Variants in RBFOX1 observed in about 807,000 individuals in gnomAD.
The protein encoded by RBFOX1 is RNA binding fox-1 homolog 1, also known as RNA binding protein fox-1 homolog 1.
A neutral mutation model predicts 57.7 loss-of-function variants in RBFOX1; 8 were observed. The observed-to-expected ratio is 0.14, with a 90% confidence interval of 0.08 to 0.25. The LOEUF (loss-of-function observed/expected upper bound fraction) is 0.25, where lower values mean the gene tolerates loss of function less well. Ranked by LOEUF, RBFOX1 falls within the 10% of genes least tolerant of loss-of-function variation. The pLI is 1.00. For missense variants in RBFOX1, 611 were observed against 548.5 expected (o/e 1.11, Z -1.14); for synonymous variants, 326 against 222.4 (o/e 1.47, Z -4.15).
intron 3 of RBFOX1, among the ~76,000 whole-genome samples, chr16:6,728,366 A>G: frequency 4.2e-5 from 1 of 23,940 alleles, no homozygotes; most frequent in African/African-American, 4.5e-5. Context: ...TTAAATCCCA[A>G]TGTCTTGTCG....
At chr16:7,695,000 TAAGC>T (rs886156146) in intron 14 of RBFOX1, among the ~76,000 whole-genome samples, 6 of 152,014 alleles carry the variant, frequency 3.9e-5, no homozygotes, top group African/African-American at 1.5e-4. Context: ...CCCTGCCTTA[TAAGC>T]AAGTGATCCA....
intron 2 of RBFOX1, among the ~76,000 whole-genome samples, chr16:6,588,802 A>G (rs2097668316): frequency 6.6e-6 from 1 of 152,228 alleles, no homozygotes; most frequent in Admixed American, 6.5e-5. Context: ...GTTCAACTTC[A>G]GCACTTTGTG....
At chr16:6,555,438 A>T (rs941379997) in intron 2 of RBFOX1, among the ~76,000 whole-genome samples, 3 of 152,266 alleles carry the variant, frequency 2.0e-5, no homozygotes, top group African/African-American at 7.2e-5. Flanking sequence ...GGTGGCTCAC[A>T]CCTGTAATCC....
chr16:7,156,289 T>C (rs1394259799), intron 4 of RBFOX1, among the ~76,000 whole-genome samples: 1 of 150,400 alleles, frequency 6.6e-6, no homozygotes, highest in African/African-American at 2.5e-5. Context: ...CATATACATG[T>C]AGATATAGGT....
In RBFOX1 at chr16:6,758,867, C is replaced by T. The variant is rs559282572; in HGVS notation, c.-16+104217C>T. Among the ~76,000 whole-genome samples, 4 of 152,136 alleles carry T rather than the reference C, an allele frequency of 2.6e-5. No homozygotes were observed. The East Asian group carries it at 7.7e-4, about 29-fold the overall frequency. On this transcript the variant is annotated intron_variant, in intron 3 of 15. Transcript: ENST00000550418. ...TGTTTACCCTAATTAGATAAGAAAC[C>T]TCATCCTAATAAAAGTAATGGACTG...
chr16:7,238,515 A>G (rs2152956873), intron 4 of RBFOX1, among the ~76,000 whole-genome samples: 1 of 121,866 alleles, frequency 8.2e-6, no homozygotes, highest in South Asian at 2.5e-4. Context: ...TACTCTCCTC[A>G]TCTTTCCAAC....
At chr16:5,736,518 C>A (rs969898370) in intron 3 of RBFOX1, among the ~76,000 whole-genome samples, 1 of 152,144 alleles carries the variant, frequency 6.6e-6, no homozygotes, top group Admixed American at 6.5e-5. Flanking sequence ...GGAGGGCTCG[C>A]CACCCTGTTT....
intron 3 of RBFOX1, among the ~76,000 whole-genome samples, chr16:6,952,161 A>G (rs1457870389): frequency 2.6e-5 from 4 of 152,180 alleles, no homozygotes; most frequent in Non-Finnish European, 4.4e-5. Flanking sequence ...GTCGTTGTGA[A>G]GGCTCTATGT....
chr16:6,885,187 T>G (rs2063736177), intron 3 of RBFOX1, among the ~76,000 whole-genome samples: 1 of 152,148 alleles, frequency 6.6e-6, no homozygotes, highest in African/African-American at 2.4e-5. Flanking sequence ...TAATTCCCAA[T>G]GACTGAGCCA....
intron 3 of RBFOX1, among the ~76,000 whole-genome samples, chr16:5,829,143 G>T (rs1017513043): frequency 2.0e-5 from 3 of 152,184 alleles, no homozygotes; most frequent in African/African-American, 7.2e-5. Flanking sequence ...ATGTGTGCCA[G>T]GAGGAAGGGG....
intron 4 of RBFOX1, among the ~76,000 whole-genome samples, chr16:7,097,715 G>T (rs757220921): frequency 2.0e-5 from 3 of 152,148 alleles, no homozygotes; most frequent in Non-Finnish European, 4.4e-5. Context: ...CTTGCACAAT[G>T]ATTCCTTCAC....
At position 7,145,097 on chromosome 16, in the gene RBFOX1, C is replaced by G. The variant is rs542258834; in HGVS notation, c.27+92999C>G. Among the ~76,000 whole-genome samples the G allele has an allele frequency of 4.6e-5, 7 of 152,342 alleles. No individual in the cohort carries two copies. The East Asian group carries it at 1.4e-3, about 29-fold the overall frequency. ...ACCAATCCTAGCTTGACAGTGATCC[C>G]TTTCCAGACATAAGCACCTACAAGT... is the stretch of plus-strand genomic sequence containing the variant. On this transcript the variant is annotated intron_variant, in intron 4 of 15. Coordinates refer to ENST00000550418, the MANE Select transcript of RBFOX1 (RefSeq NM_018723.4).
intron 3 of RBFOX1, among the ~76,000 whole-genome samples, chr16:6,885,114 A>G (rs1376021494): frequency 6.6e-6 from 1 of 152,186 alleles, no homozygotes; most frequent in Non-Finnish European, 1.5e-5. Flanking sequence ...TCTGACTGAA[A>G]CGGAAGGAGG....
intron 4 of RBFOX1, among the ~76,000 whole-genome samples, chr16:7,128,200 A>C (rs1180972493): frequency 6.6e-6 from 1 of 152,176 alleles, no homozygotes; most frequent in African/African-American, 2.4e-5. Context: ...TTTCTTTCAA[A>C]GAATAATAGC....
chr16:6,952,317 C>T (rs541120752), intron 3 of RBFOX1, among the ~76,000 whole-genome samples: 29 of 152,202 alleles, frequency 1.9e-4, no homozygotes, highest in Admixed American at 6.5e-5. Context: ...AAAAGTAGAA[C>T]TCCAGTTTTG....
intron 1 of RBFOX1, among the ~76,000 whole-genome samples, chr16:5,296,474 C>G (rs1211555860): frequency 6.6e-6 from 1 of 152,040 alleles, no homozygotes; most frequent in Non-Finnish European, 1.5e-5. Flanking sequence ...GGGCCAGATA[C>G]TGTGCTTTGT....
At chr16:6,988,807 C>G (rs149998899) in intron 3 of RBFOX1, among the ~76,000 whole-genome samples, 160 of 149,000 alleles carry the variant, frequency 1.1e-3, no homozygotes, top group Non-Finnish European at 1.7e-3. Flanking sequence ...GAGTCTTGCT[C>G]ATTGCCCAGG....
chr16:6,212,335 A>C (rs1366080426), intron 1 of RBFOX1, among the ~76,000 whole-genome samples: 2 of 151,562 alleles, frequency 1.3e-5, no homozygotes, highest in Non-Finnish European at 2.9e-5. Context: ...ATATTTTTAA[A>C]ATATGCAATA....
chr16:7,314,342 G>A (rs1427355699), intron 4 of RBFOX1, among the ~76,000 whole-genome samples: 5 of 152,168 alleles, frequency 3.3e-5, no homozygotes, highest in Non-Finnish European at 5.9e-5. Context: ...CGGAATTTCA[G>A]GGAGTGGGGT....
Sources: gnomAD v4.1 joint callset for allele counts (sites outside exome capture counted in the v4.1 genomes callset) on GRCh38, gnomAD v4.1.1 for gene constraint, MANE v1.5 for transcripts, NCBI Gene and HGNC (gene_info 2026-07-23, HGNC 2026-07-21) for gene names.